Variants in PBRM1 observed in about 807,000 individuals in gnomAD.
The protein encoded by PBRM1 is polybromo 1.
In PBRM1, 27 loss-of-function variants were observed where a neutral mutation model predicts 194.5. The observed-to-expected ratio is 0.14, with a 90% CI of 0.10 to 0.19. The LOEUF (loss-of-function observed/expected upper bound fraction) is 0.19. PBRM1 is among the 10% of genes least tolerant of loss of function. The pLI, the probability that PBRM1 is intolerant of heterozygous loss-of-function variation, is 1.00. For missense variants in PBRM1, 1,466 were observed against 2,077.2 expected (o/e 0.71, Z 5.72); for synonymous variants, 655 against 693.2 (o/e 0.94, Z 0.87).
rs1473726755 is a variant in PBRM1 at position 52,676,130 on chromosome 3, AAAAAAAAAAAAAAAAAAAAAAAT to A, written c.236+2347_236+2369del. 4.7e-4 allele frequency among the ~76,000 whole-genome samples: 15 copies of A among 31,796 alleles called. 6 individuals are homozygous for A. Among genetic ancestry groups the A allele is most frequent in the East Asian group, 1.9e-3 (3 of 1,544 alleles). The allele number at this position is 31,796 out of a possible 152,430, so 20.9% of individuals were successfully genotyped here. A position where few individuals can be genotyped will look rare whatever the true frequency, so the allele number is the denominator to read the frequency against. On this transcript the variant is annotated intron_variant, in intron 2 of 29. Transcript: ENST00000296302. Reference sequence around the variant, plus strand: ...ACTCCGTCTCAAAAAAAAAAAAAAAAAAAAAAAAAAAAAAAAAAAAAATAATGAATGAAGCGGGATCCTTACCT... The same window carrying A: ...ACTCCGTCTCAAAAAAAAAAAAAAAAAATGAATGAAGCGGGATCCTTACCT...
chr3:52,683,065 T>G (rs2097235965), upstream of PBRM1, among the ~76,000 whole-genome samples: 1 of 151,842 alleles, frequency 6.6e-6, no homozygotes. Context: ...TGGCTGGGCT[T>G]GGTGGCACGC....
intron 5 of PBRM1, 87 bp from the exon 7 acceptor site, chr3:52,651,897 C>A: frequency 1.2e-6 from 1 of 843,972 alleles, no homozygotes; most frequent in South Asian, 1.6e-5. Flanking sequence ...ATCTGTTGTT[C>A]AAACAACCAG....
At position 52,583,368 on chromosome 3, in the gene PBRM1, G is replaced by A. The variant is rs373155165; in HGVS notation, c.3387+3057C>T. ...GGACGTTACAGTGAGCTGAGATCAC[G>A]CTACCGCACTTCAGCCTGGGCAACA... On this transcript the variant is annotated intron_variant, in intron 20 of 29. Transcript: ENST00000296302. Among the ~76,000 whole-genome samples the A allele has an allele frequency of 3.2e-4, 49 of 151,002 alleles. 1 individual carries two copies. The East Asian group carries it at 6.2e-3, about 19-fold the overall frequency.
At chr3:52,643,217 C>A in intron 9 of PBRM1, 31 bp downstream of exon 10, 1 of 1,446,152 alleles carries the variant, frequency 6.9e-7, no homozygotes, top group South Asian at 1.1e-5. Context: ...AAGCACAGGT[C>A]AACTCTCAGA....
At chr3:52,561,959 T>G (rs1243758907) in exon 25 of PBRM1, 2 of 1,613,486 alleles carry the variant, frequency 1.2e-6, no homozygotes, top group Non-Finnish European at 1.7e-6. Context: ...TTGGCAGACT[T>G]TGGGGTAGAC....
At chr3:52,594,666 A>G (rs958229905) in intron 17 of PBRM1, among the ~76,000 whole-genome samples, 1 of 152,060 alleles carries the variant, frequency 6.6e-6, no homozygotes, top group Admixed American at 6.6e-5. Context: ...GTGTTGTGTC[A>G]TTGGTCTATA....
intron 11 of PBRM1, 128 bp downstream of exon 12, chr3:52,634,474 A>G: frequency 1.6e-6 from 1 of 639,966 alleles, no homozygotes; most frequent in Admixed American, 2.9e-5. Flanking sequence ...AACAGTTAAA[A>G]TTTGAGGTTA....
chr3:52,657,790 T>C (rs1304033974), intron 5 of PBRM1, among the ~76,000 whole-genome samples: 2 of 150,606 alleles, frequency 1.3e-5, no homozygotes, highest in South Asian at 2.1e-4. Flanking sequence ...CTTTTCTTTT[T>C]TTTTTTTTAA....
intron 2 of PBRM1, among the ~76,000 whole-genome samples, chr3:52,672,915 T>TA (rs2096983436): frequency 6.6e-6 from 1 of 152,214 alleles, no homozygotes; most frequent in African/African-American, 2.4e-5. Flanking sequence ...CTGTGTAATT[T>TA]AAAAAACTGA....
chr3:52,665,469 G>A (rs1339557804), intron 3 of PBRM1, among the ~76,000 whole-genome samples: 1 of 152,026 alleles, frequency 6.6e-6, no homozygotes, highest in Non-Finnish European at 1.5e-5. Flanking sequence ...TGGCTGAATA[G>A]TATTTTATGG....
chr3:52,662,333 T>C, intron 3 of PBRM1, 57 bp from the exon 5 acceptor site: 2 of 1,468,060 alleles, frequency 1.4e-6, no homozygotes, highest in Non-Finnish European at 1.8e-6. Context: ...GGAAATTAGT[T>C]GCTACTTTTA....
At chr3:52,642,102 T>G (rs2096115452) in intron 9 of PBRM1, 57 bp from the exon 11 acceptor site, 2 of 906,034 alleles carry the variant, frequency 2.2e-6, no homozygotes, top group South Asian at 2.7e-5. Context: ...ATTAGGTTAC[T>G]TTACAGGGAA....
chr3:52,588,930 T>C lies in PBRM1; in HGVS notation c.2965+140A>G, dbSNP rs2092738359. 7.9e-6 allele frequency: 5 copies of C among 631,548 alleles called. No homozygotes were observed. In the South Asian group the frequency reaches 9.5e-5, roughly 12 times the overall value. 39.1% of individuals were successfully genotyped at this position (631,548 alleles called of 1,614,324 possible). A position where few individuals can be genotyped will look rare whatever the true frequency, so the allele number is the denominator to read the frequency against. ...CTATGTTTTTCATATGATGGGTGCT[T>C]ACTTACATTTATTGACATATTGAAC... On this transcript the variant is annotated intron_variant, in intron 18 of 29. Transcript: ENST00000296302.
chr3:52,682,214 T>C (rs1309577674), upstream of PBRM1: 1 of 151,964 alleles, frequency 6.6e-6, no homozygotes, highest in Non-Finnish European at 1.5e-5. Context: ...GGCTCACATG[T>C]GACACCAAGT....
intron 2 of PBRM1, among the ~76,000 whole-genome samples, chr3:52,672,875 T>C (rs1481419992): frequency 6.6e-6 from 1 of 152,114 alleles, no homozygotes; most frequent in Non-Finnish European, 1.5e-5. Context: ...GAACATACCT[T>C]CCATAGGAAG....
At chr3:52,647,429 G>GAAAA (rs71637569) in intron 7 of PBRM1, among the ~76,000 whole-genome samples, 29 of 44,490 alleles carry the variant, frequency 6.5e-4, no homozygotes, top group East Asian at 2.4e-3. Context: ...GTATCAAAGA[G>GAAAA]AAAAAAAAAA....
intron 11 of PBRM1, among the ~76,000 whole-genome samples, chr3:52,630,477 CAT>C (rs753869530): frequency 3.9e-5 from 6 of 152,238 alleles, no homozygotes; most frequent in African/African-American, 9.6e-5. Context: ...TCAATAGCCA[CAT>C]ATGACTAGTG....
At position 52,550,302 on chromosome 3, in the gene PBRM1, A is replaced by C. The variant is rs1178910794; in HGVS notation, c.4897+119T>G. 3 of 421,860 alleles carry C rather than the reference A, an allele frequency of 7.1e-6. No homozygotes were observed. The Admixed American group carries it at 1.3e-4, about 18-fold the overall frequency. The allele number at this position is 421,860 out of a possible 1,614,324, so 26.1% of individuals were successfully genotyped here. A position where few individuals can be genotyped will look rare whatever the true frequency, so the allele number is the denominator to read the frequency against. ...CTCCAAACCATTTATGAAATATATA[A>C]TTTATTTTAATTGTATAAGAAAAAG... On this transcript the variant is annotated intron_variant, in intron 29 of 29. Coordinates refer to ENST00000296302, the Ensembl canonical transcript of PBRM1.
intron 5 of PBRM1, among the ~76,000 whole-genome samples, chr3:52,652,190 C>G (rs1051963032): frequency 1.3e-5 from 2 of 151,630 alleles, no homozygotes; most frequent in African/African-American, 4.9e-5. Context: ...TCAAGACCAG[C>G]CTGGCCAACA....
Sources: gnomAD v4.1 joint callset for allele counts (sites outside exome capture counted in the v4.1 genomes callset) on GRCh38, gnomAD v4.1.1 for gene constraint, MANE v1.5 for transcripts, NCBI Gene and HGNC (gene_info 2026-07-23, HGNC 2026-07-21) for gene names.